The following ADAMTS9 variants were observed in gnomAD, a reference collection of about 807,000 sequenced individuals.
The protein encoded by ADAMTS9 is A disintegrin and metalloproteinase with thrombospondin motifs 9.
ADAMTS9 carries 107 observed loss-of-function variants against 257.1 expected under a neutral mutation model. The ratio of observed to expected loss-of-function variants is 0.42; its 90% CI spans 0.36 to 0.49. ADAMTS9 has a LOEUF of 0.49. Ranked by LOEUF, ADAMTS9 falls within the 20% of genes least tolerant of loss-of-function variation. ADAMTS9 has a pLI of 0.03. For missense variants in ADAMTS9, 2,353 were observed against 2,469.1 expected, an observed-to-expected ratio of 0.95 and a Z score of 1.00; for synonymous variants, 982 against 880.9, an observed-to-expected ratio of 1.11 and a Z score of -2.03.
intron 14 of ADAMTS9, 63 bp from the exon 15 acceptor site, chr3:64,631,988 A>T: frequency 7.9e-7 from 1 of 1,265,046 alleles, no homozygotes; most frequent in South Asian, 1.3e-5. Context: ...ATGGCAAATA[A>T]TGTGTTTCTT....
At chr3:64,539,414 G>C in intron 36 of ADAMTS9, 120 bp from the exon 37 acceptor site, 4 of 810,658 alleles carry the variant, frequency 4.9e-6, no homozygotes, top group Non-Finnish European at 8.2e-6. Context: ...GAATGGGAGA[G>C]AAAGAAGCAA....
At position 64,658,745 on chromosome 3, in the gene ADAMTS9, T is replaced by A; in HGVS notation, c.726A>T (p.Arg242Ser). Reference sequence around the variant, plus strand: ...CCAGGTTAATCCTTTCTCCCCATTTTCTTGCTCTGGTTTTCTTCTTGTCTT... The same window carrying A: ...CCAGGTTAATCCTTTCTCCCCATTTACTTGCTCTGGTTTTCTTCTTGTCTT... ...HSKDKKKTRARKWGERINLAG... is the reference protein window; with the variant it reads ...HSKDKKKTRASKWGERINLAG... The change falls in exon 4 of 40, where the codon AGA (arginine) becomes AGT (serine). Residue 242 changes from arginine (R) to serine (S), a missense_variant. Arg to Ser is a moderately radical substitution (Grantham distance 110). Around this residue, in one of 3 missense-constraint regions of ADAMTS9, gnomAD observed 591 missense variants for 569.6 expected, o/e 1.04. Transcript: ENST00000498707. 6.2e-7 allele frequency: 1 copy of A among 1,614,210 alleles called. No homozygotes were observed. The highest frequency in any genetic ancestry group is 8.5e-7 in the Non-Finnish European group (1 of 1,180,034).
chr3:64,553,602 T>G (rs1158909184), intron 30 of ADAMTS9, among the ~76,000 whole-genome samples: 1 of 152,136 alleles, frequency 6.6e-6, no homozygotes, highest in Non-Finnish European at 1.5e-5. Context: ...CCCCGTGCCT[T>G]TCGTGAGCTA....
intron 3 of ADAMTS9, among the ~76,000 whole-genome samples, chr3:64,676,491 A>T (rs904170490): frequency 6.6e-6 from 1 of 151,568 alleles, no homozygotes; most frequent in African/African-American, 2.4e-5. Context: ...TATTCTGTTT[A>T]CACACATGTA....
At chr3:64,609,590 T>TCTACACTAAAAACTA (rs1216963610) in intron 22 of ADAMTS9, among the ~76,000 whole-genome samples, 1 of 152,132 alleles carries the variant, frequency 6.6e-6, no homozygotes, top group African/African-American at 2.4e-5. Context: ...GTAAAGGCTT[T>TCTACACTAAAAACTA]CTACACTAAA....
Position 64,541,514 on chromosome 3 carries a change from T to G in ADAMTS9, c.5292+12A>C, listed in dbSNP as rs760571202. The G allele has an allele frequency of 6.2e-7, 1 of 1,610,952 alleles. No individual in the cohort carries two copies. Among genetic ancestry groups the G allele is most frequent in the Non-Finnish European group, 8.5e-7 (1 of 1,177,208 alleles). ...AACATTCTTGAAATAATGACTGGTG[T>G]CTGACATTCACCTTCAGAAGCTTTC... On this transcript the variant is annotated intron_variant, in intron 34 of 39. Coordinates refer to ENST00000498707, the MANE Select transcript of ADAMTS9 (RefSeq NM_182920.2).
intron 28 of ADAMTS9, among the ~76,000 whole-genome samples, chr3:64,572,698 A>G (rs961208687): frequency 6.6e-6 from 1 of 152,176 alleles, no homozygotes; most frequent in Non-Finnish European, 1.5e-5. Flanking sequence ...AAGAAGGAAT[A>G]AGAAGGGGAA....
At position 64,596,889 on chromosome 3, in the gene ADAMTS9, C is replaced by G. The variant is rs758187948; in HGVS notation, c.4120G>C (p.Glu1374Gln). Residue 1374 changes from glutamate (E) to glutamine (Q), a missense_variant, in exon 27 of 40, where the codon GAG becomes CAG. By Grantham distance (29) the Glu-to-Gln change is conservative. This residue lies in a region of ADAMTS9 where 1,402 missense variants were observed against 1,441.4 expected (regional missense o/e 0.97). Transcript: ENST00000498707. Reference protein sequence around the residue: ...NDCVERIKPDEQRACESGPCP... With the variant: ...NDCVERIKPDQQRACESGPCP... ...GGGCCGGATTCACAGGCTCTTTGCT[C>G]ATCAGGTTTTATTCTCTCCACACAG... The G allele has an allele frequency of 6.2e-7, 1 of 1,614,070 alleles. No homozygotes were observed. The highest frequency in any genetic ancestry group is 1.7e-5 in the Admixed American group (1 of 60,012).
At chr3:64,637,680 T>C (rs184125460) in intron 12 of ADAMTS9, among the ~76,000 whole-genome samples, 252 of 152,342 alleles carry the variant, frequency 1.7e-3, no homozygotes, top group African/African-American at 6.0e-3. Context: ...GCACAAGACA[T>C]TTCTAAAGAT....
At chr3:64,522,087 T>C (rs986781487) in intron 39 of ADAMTS9, 79 bp downstream of exon 39, 230 of 1,235,686 alleles carry the variant, frequency 1.9e-4, no homozygotes, top group Non-Finnish European at 2.5e-4. Context: ...CCCTGCCTGA[T>C]CCTCCCACAT....
At chr3:64,628,446 C>T (rs1700281528) in intron 16 of ADAMTS9, among the ~76,000 whole-genome samples, 1 of 152,166 alleles carries the variant, frequency 6.6e-6, no homozygotes. Context: ...ATTTATAAAG[C>T]AGGCTGCATG....
intron 30 of ADAMTS9, among the ~76,000 whole-genome samples, chr3:64,559,218 C>T (rs1313808920): frequency 6.6e-6 from 1 of 152,140 alleles, no homozygotes; most frequent in Admixed American, 6.5e-5. Context: ...CCTTCACGCT[C>T]AGTCTTGCTG....
At chr3:64,550,824 C>G in intron 31 of ADAMTS9, 68 bp downstream of exon 31, 1 of 1,587,258 alleles carries the variant, frequency 6.3e-7, no homozygotes, top group African/African-American at 1.3e-5. Flanking sequence ...ACTCATCCCT[C>G]CACTCATCCC....
At chr3:64,618,827 C>A (rs975185398) in intron 19 of ADAMTS9, among the ~76,000 whole-genome samples, 3 of 152,098 alleles carry the variant, frequency 2.0e-5, no homozygotes, top group African/African-American at 2.4e-5. Context: ...TCTTTTGCAT[C>A]ATTTTACACA....
intron 4 of ADAMTS9, among the ~76,000 whole-genome samples, chr3:64,658,045 C>T (rs1482255658): frequency 6.6e-6 from 1 of 152,134 alleles, no homozygotes; most frequent in Non-Finnish European, 1.5e-5. Context: ...CCTAATACTA[C>T]TGAATATCCA....
intron 2 of ADAMTS9, among the ~76,000 whole-genome samples, chr3:64,684,607 A>C (rs1284000943): frequency 6.6e-6 from 1 of 152,174 alleles, no homozygotes; most frequent in Admixed American, 6.5e-5. Flanking sequence ...ACCAGAACGC[A>C]TATCTTTAAG....
At chr3:64,676,722 A>G (rs976774704) in intron 3 of ADAMTS9, among the ~76,000 whole-genome samples, 12 of 152,146 alleles carry the variant, frequency 7.9e-5, no homozygotes, top group African/African-American at 2.4e-4. Flanking sequence ...TGCTATAATA[A>G]ACAACACTGT....
intron 18 of ADAMTS9, 146 bp from the exon 19 acceptor site, chr3:64,621,386 G>C: frequency 1.1e-6 from 1 of 947,644 alleles, no homozygotes. Flanking sequence ...ATTCAACCCT[G>C]ACATTACAGG....
intron 3 of ADAMTS9, among the ~76,000 whole-genome samples, chr3:64,660,521 C>T (rs1701195952): frequency 5.3e-5 from 8 of 152,128 alleles, no homozygotes; most frequent in Admixed American, 5.2e-4. Flanking sequence ...CTTTAAATTG[C>T]ATACCATTCT....
Sources: allele counts gnomAD v4.1 joint callset (sites outside exome capture counted in the v4.1 genomes callset), GRCh38; gene constraint gnomAD v4.1.1; regional missense constraint gnomAD v4.1.1; transcripts MANE v1.5; gene names NCBI Gene and HGNC (gene_info 2026-07-23, HGNC 2026-07-21).